The following BMP5 variants were observed in gnomAD, a reference collection of about 807,000 sequenced individuals.
BMP5 encodes the protein bone morphogenetic protein 5.
BMP5 carries 23 observed loss-of-function variants against 46.6 expected under a neutral mutation model. The ratio of observed to expected loss-of-function variants is 0.49; its 90% CI spans 0.35 to 0.70. The LOEUF (loss-of-function observed/expected upper bound fraction) is 0.70. Ranked by LOEUF, BMP5 falls within the 30% of genes least tolerant of loss-of-function variation. The probability of loss-of-function intolerance (pLI) is 0.00; values close to 1 mark genes in which losing one functional copy is unlikely to be tolerated. For synonymous variants in BMP5, 204 were observed against 191.9 expected (o/e 1.06, Z -0.52); for missense variants, 545 against 565.6 (o/e 0.96, Z 0.37).
intron 1 of BMP5, among the ~76,000 whole-genome samples, chr6:55,825,187 G>A (rs1216907876): frequency 1.3e-5 from 2 of 151,642 alleles, no homozygotes; most frequent in Non-Finnish European, 1.5e-5. Flanking sequence ...CAAAACGTAT[G>A]CATTTTACCA....
chr6:55,863,984 C>G (rs1777580340), intron 1 of BMP5, among the ~76,000 whole-genome samples: 1 of 151,960 alleles, frequency 6.6e-6, no homozygotes, highest in Non-Finnish European at 1.5e-5. Flanking sequence ...AAACGTTTCT[C>G]AGAAGGTACA....
intron 1 of BMP5, among the ~76,000 whole-genome samples, chr6:55,830,750 G>C (rs570487814): frequency 6.6e-6 from 1 of 152,100 alleles, no homozygotes; most frequent in African/African-American, 2.4e-5. Flanking sequence ...AATAGAAAAG[G>C]CTGAATTAAA....
At chr6:55,856,474 T>C (rs1777401120) in intron 1 of BMP5, among the ~76,000 whole-genome samples, 1 of 152,210 alleles carries the variant, frequency 6.6e-6, no homozygotes, top group Non-Finnish European at 1.5e-5. Context: ...GTGGTTGTAT[T>C]ATTTTGCATA....
intron 1 of BMP5, among the ~76,000 whole-genome samples, chr6:55,867,867 AGT>A (rs1225690122): frequency 1.3e-5 from 2 of 152,218 alleles, no homozygotes; most frequent in Non-Finnish European, 1.5e-5. Flanking sequence ...TCACGCTGCT[AGT>A]AAGCGTGGAA....
chr6:55,828,405 G>A (rs970016718), intron 1 of BMP5, among the ~76,000 whole-genome samples: 3 of 151,734 alleles, frequency 2.0e-5, no homozygotes, highest in Non-Finnish European at 3.0e-5. Flanking sequence ...TGAAAAGACA[G>A]ACATCAAAAG....
intron 1 of BMP5, among the ~76,000 whole-genome samples, chr6:55,826,426 AT>A (rs1461897779): frequency 2.6e-5 from 4 of 151,836 alleles, no homozygotes; most frequent in African/African-American, 7.2e-5. Flanking sequence ...TTCAAAATCA[AT>A]TTAAATATAA....
intron 4 of BMP5, among the ~76,000 whole-genome samples, chr6:55,767,733 G>C (rs2127518524): frequency 6.6e-6 from 1 of 152,048 alleles, no homozygotes; most frequent in African/African-American, 2.4e-5. Flanking sequence ...ATTCTCACTT[G>C]TGCAGCATTG....
chr6:55,795,515 A>C (rs917352259), intron 2 of BMP5, among the ~76,000 whole-genome samples: 2 of 152,102 alleles, frequency 1.3e-5, no homozygotes, highest in African/African-American at 4.8e-5. Context: ...GTCTGTATAC[A>C]TCATAGAAGT....
At chr6:55,794,463 T>C (rs769991866) in intron 2 of BMP5, 36 bp from the exon 3 acceptor site, 1 of 1,600,904 alleles carries the variant, frequency 6.2e-7, no homozygotes, top group South Asian at 1.1e-5. Flanking sequence ...AAGTTAAAGG[T>C]TTAAATGAAC....
At chr6:55,814,046 A>G (rs1776198867) in intron 2 of BMP5, among the ~76,000 whole-genome samples, 2 of 152,278 alleles carry the variant, frequency 1.3e-5, no homozygotes, top group South Asian at 2.1e-4. Flanking sequence ...TTGACTATTT[A>G]TCTAAAACTT....
At position 55,819,713 on chromosome 6, in the gene BMP5, A is replaced by G. The variant is rs141418328; in HGVS notation, c.625T>C (p.Phe209Leu). The change falls in exon 2 of 7, where the codon TTT becomes CTT. Residue 209 changes from phenylalanine to leucine, a missense_variant. Transcript: ENST00000370830. Reference sequence around the variant, plus strand: ...CTAATCTTAATTGTTTCATTTTCAAATCGGTTGTTGCTCCGGTCCTTGTAT... The same window carrying G: ...CTAATCTTAATTGTTTCATTTTCAAGTCGGTTGTTGCTCCGGTCCTTGTAT... ...RIYKDRSNNR[F>L]ENETIKISIY... is the part of the protein sequence containing the mutation. 5.4e-4 allele frequency: 877 copies of G among 1,613,814 alleles called. 2 individuals are homozygous for G. In the African/African-American group the frequency reaches 9.7e-3, roughly 18 times the overall value.
chr6:55,779,124 T>A (rs1775246931), intron 3 of BMP5, among the ~76,000 whole-genome samples: 1 of 152,062 alleles, frequency 6.6e-6, no homozygotes, highest in Non-Finnish European at 1.5e-5. Flanking sequence ...TTCAGACACA[T>A]GTTGATGTTA....
chr6:55,766,012 T>C (rs903367468), intron 4 of BMP5, among the ~76,000 whole-genome samples: 1 of 152,164 alleles, frequency 6.6e-6, no homozygotes, highest in African/African-American at 2.4e-5. Flanking sequence ...TTTTTGTTAA[T>C]AGGACCATCA....
At chr6:55,785,569 T>C (rs745662944) in intron 3 of BMP5, among the ~76,000 whole-genome samples, 5 of 151,754 alleles carry the variant, frequency 3.3e-5, no homozygotes, top group Non-Finnish European at 7.4e-5. Flanking sequence ...AAATACTGAT[T>C]TCAGACCCCA....
intron 1 of BMP5, among the ~76,000 whole-genome samples, chr6:55,869,489 A>T (rs571232567): frequency 1.3e-5 from 2 of 152,080 alleles, no homozygotes; most frequent in African/African-American, 4.8e-5. Flanking sequence ...AAAAAAAAAT[A>T]ATTTCTTCAT....
At chr6:55,867,601 C>T (rs1777681070) in intron 1 of BMP5, among the ~76,000 whole-genome samples, 2 of 152,102 alleles carry the variant, frequency 1.3e-5, no homozygotes, top group South Asian at 4.2e-4. Context: ...GCATCACGGG[C>T]AAGTGACCTG....
intron 1 of BMP5, among the ~76,000 whole-genome samples, chr6:55,850,359 T>TAGAC (rs1333747260): frequency 2.8e-5 from 2 of 71,982 alleles, no homozygotes; most frequent in Non-Finnish European, 6.0e-5. Flanking sequence ...AGTAGGTAGA[T>TAGAC]AGATAGATAG....
intron 3 of BMP5, among the ~76,000 whole-genome samples, chr6:55,781,261 T>C (rs1775310822): frequency 2.0e-5 from 3 of 152,274 alleles, no homozygotes; most frequent in Middle Eastern, 6.8e-3. Context: ...TTATTTTTCT[T>C]CTTCTTCTCC....
intron 1 of BMP5, among the ~76,000 whole-genome samples, chr6:55,839,439 C>T (rs1380351355): frequency 6.6e-6 from 1 of 152,096 alleles, no homozygotes; most frequent in Admixed American, 6.5e-5. Flanking sequence ...ACCTCAGCCT[C>T]CCAAGTAGGG....
Sources: allele counts gnomAD v4.1 joint callset (sites outside exome capture counted in the v4.1 genomes callset), GRCh38; gene constraint gnomAD v4.1.1; transcripts MANE v1.5; gene names NCBI Gene and HGNC (gene_info 2026-07-23, HGNC 2026-07-21).